The following NEIL3 variants were observed in gnomAD, a reference collection of about 807,000 sequenced individuals.
NEIL3 encodes endonuclease 8-like 3.
NEIL3 carries 48 observed loss-of-function variants against 57.5 expected under a neutral mutation model. The ratio of observed to expected loss-of-function variants is 0.83; its 90% CI spans 0.66 to 1.06. The LOEUF (loss-of-function observed/expected upper bound fraction) is 1.06, where lower values mean the gene tolerates loss of function less well. Among genes scored for constraint, NEIL3 ranks in the 50% least tolerant of loss-of-function variants. The probability of loss-of-function intolerance (pLI) is 0.00; values close to 1 mark genes in which losing one functional copy is unlikely to be tolerated. For synonymous variants in NEIL3, 261 were observed against 253.2 expected, an observed-to-expected ratio of 1.03 and a Z score of -0.29; for missense variants, 717 against 739.1, an observed-to-expected ratio of 0.97 and a Z score of 0.35.
chr4:177,364,270 A>T (rs534597778), downstream of NEIL3, among the ~76,000 whole-genome samples: 8 of 152,306 alleles, frequency 5.3e-5, no homozygotes, highest in South Asian at 1.7e-3. Context: ...AGATAACTCT[A>T]GATTCCGGAC....
At position 177,341,463 on chromosome 4, in the gene NEIL3, T is replaced by G; in HGVS notation, c.703-13T>G. The G allele has an allele frequency of 1.9e-6, 3 of 1,542,244 alleles. No homozygotes were observed. The highest frequency in any genetic ancestry group is 1.2e-5 in the South Asian group (1 of 81,920). ...TGTGGATAACAGAATTTTTTGGTTT[T>G]TTTTTTTTTTAGTGCCGTAAAGCAG... On this transcript the variant is annotated splice_polypyrimidine_tract_variant and intron_variant, in intron 5 of 9. Coordinates refer to ENST00000264596, the MANE Select transcript of NEIL3 (RefSeq NM_018248.3).
At chr4:177,321,539 C>T (rs1165238129) in intron 1 of NEIL3, among the ~76,000 whole-genome samples, 9 of 152,060 alleles carry the variant, frequency 5.9e-5, no homozygotes, top group South Asian at 4.1e-4. Flanking sequence ...CTAAACCAAA[C>T]GCCCTTTCTT....
downstream of NEIL3, among the ~76,000 whole-genome samples, chr4:177,366,160 T>A (rs1165323919): frequency 6.6e-6 from 1 of 152,232 alleles, no homozygotes; most frequent in African/African-American, 2.4e-5. Context: ...ATTTTTTTCC[T>A]TTTAGTTTCT....
At chr4:177,357,597 T>G (rs1465297259) in intron 8 of NEIL3, among the ~76,000 whole-genome samples, 1 of 152,238 alleles carries the variant, frequency 6.6e-6, no homozygotes, top group African/African-American at 2.4e-5. Flanking sequence ...TTCAGTTTTA[T>G]TTATTAATAA....
intron 2 of NEIL3, among the ~76,000 whole-genome samples, chr4:177,327,372 C>T (rs942343771): frequency 6.6e-6 from 1 of 152,064 alleles, no homozygotes; most frequent in African/African-American, 2.4e-5. Flanking sequence ...ATCATATCAT[C>T]TGTGAATTAA....
chr4:177,311,904 T>A (rs940438264), intron 1 of NEIL3, among the ~76,000 whole-genome samples: 3 of 152,118 alleles, frequency 2.0e-5, no homozygotes, highest in African/African-American at 4.8e-5. Context: ...ATGACATGAA[T>A]ATACTTAGGG....
intron 8 of NEIL3, among the ~76,000 whole-genome samples, chr4:177,360,147 G>C (rs149917867): frequency 8.8e-4 from 134 of 152,276 alleles, no homozygotes; most frequent in South Asian, 3.1e-3. Flanking sequence ...ACCTGGACTT[G>C]AGAATATTTT....
the NEIL3 span, among the ~76,000 whole-genome samples, chr4:177,370,331 A>G: frequency 3.9e-5 from 6 of 152,194 alleles, no homozygotes; most frequent in African/African-American, 1.4e-4. Flanking sequence ...TCTTTGCAGC[A>G]GAGATTGTGG....
In NEIL3 at chr4:177,320,462, CTGTCTT is replaced by C. The variant is rs1351251472; in HGVS notation, c.157-1995_157-1990del. ...ATTTGTGCAGAACAGGAAGTGACTGCTGTCTTTTTTTTTTTTTTTTTTTTTTTTTTT... is the reference window on the plus strand; with the variant it reads ...ATTTGTGCAGAACAGGAAGTGACTGCTTTTTTTTTTTTTTTTTTTTTTTTT... On this transcript the variant is annotated intron_variant, in intron 1 of 9. Transcript: ENST00000264596. 1.6e-3 allele frequency among the ~76,000 whole-genome samples: 174 copies of C among 110,698 alleles called. 4 individuals carry two copies. Among genetic ancestry groups the C allele is most frequent in the Middle Eastern group, 4.8e-3 (1 of 210 alleles). The allele number at this position is 110,698 out of a possible 152,430, so 72.6% of individuals were successfully genotyped here. A position where few individuals can be genotyped will look rare whatever the true frequency, so the allele number is the denominator to read the frequency against.
At chr4:177,341,806 C>A (rs892990273) in intron 6 of NEIL3, among the ~76,000 whole-genome samples, 164 bp downstream of exon 6, 2 of 152,160 alleles carry the variant, frequency 1.3e-5, no homozygotes, top group African/African-American at 2.4e-5. Flanking sequence ...CACCAAAGAA[C>A]CTGAGGGAGC....
chr4:177,351,380 C>T lies in NEIL3; in HGVS notation c.870C>T (p.Cys290=), dbSNP rs763158365. The T allele has an allele frequency of 6.3e-7, 1 of 1,598,546 alleles. No individual in the cohort carries two copies. The highest frequency in any genetic ancestry group is 8.5e-7 in the Non-Finnish European group (1 of 1,172,230). ...QKENPQHVDI[C]KLPTRNTIIS... is the part of the protein sequence containing the mutation. ...ATTAATTTTAAAAATTATCTTATAGCAAGCTACCGACTAGAAATACTATAA... is the reference window on the plus strand; with the variant it reads ...ATTAATTTTAAAAATTATCTTATAGTAAGCTACCGACTAGAAATACTATAA... The change falls in exon 7 of 10, where the codon TGC becomes TGT. Residue 290 remains cysteine, a splice_region_variant and synonymous_variant. Coordinates refer to ENST00000264596, the MANE Select transcript of NEIL3 (RefSeq NM_018248.3).
At chr4:177,369,552 A>G in the NEIL3 span, among the ~76,000 whole-genome samples, 2 of 152,314 alleles carry the variant, frequency 1.3e-5, no homozygotes, top group East Asian at 3.9e-4. Context: ...ACTGAGATAC[A>G]TGCTAAACTG....
At chr4:177,357,998 C>G (rs1459176985) in intron 8 of NEIL3, among the ~76,000 whole-genome samples, 2 of 152,142 alleles carry the variant, frequency 1.3e-5, no homozygotes, top group East Asian at 3.8e-4. Context: ...TTAATCAGAA[C>G]ATTTAATTAT....
intron 6 of NEIL3, among the ~76,000 whole-genome samples, chr4:177,344,730 T>G (rs977973647): frequency 6.6e-6 from 1 of 151,922 alleles, no homozygotes; most frequent in Admixed American, 6.6e-5. Flanking sequence ...CCCAGCTAAT[T>G]TTTGTATTTT....
chr4:177,320,462 C>CTTTTTTTTTTTTT (rs1560908362), intron 1 of NEIL3, among the ~76,000 whole-genome samples: 1 of 110,694 alleles, frequency 9.0e-6, no homozygotes. Context: ...GAAGTGACTG[C>CTTTTTTTTTTTTT]TGTCTTTTTT....
chr4:177,330,794 A>T (rs1289875689), intron 2 of NEIL3, among the ~76,000 whole-genome samples: 3 of 152,232 alleles, frequency 2.0e-5, no homozygotes, highest in Admixed American at 1.3e-4. Flanking sequence ...GCAATTATTG[A>T]TAAGCTATGT....
At chr4:177,348,900 C>T (rs1433955067) in intron 6 of NEIL3, among the ~76,000 whole-genome samples, 1 of 108,614 alleles carries the variant, frequency 9.2e-6, no homozygotes, top group Non-Finnish European at 1.7e-5. Context: ...CGGAGTCTCG[C>T]TCTGTCACCC....
intron 9 of NEIL3, among the ~76,000 whole-genome samples, chr4:177,361,290 G>A (rs1735603871): frequency 6.6e-6 from 1 of 152,162 alleles, no homozygotes; most frequent in African/African-American, 2.4e-5. Flanking sequence ...GTATTCCTCG[G>A]TGTGAGCATC....
chr4:177,360,204 CT>C (rs550406507), intron 8 of NEIL3, among the ~76,000 whole-genome samples: 78 of 152,250 alleles, frequency 5.1e-4, no homozygotes, highest in Non-Finnish European at 2.8e-4. Flanking sequence ...AAGAAAAGAA[CT>C]GAATATCACA....
Sources: allele counts gnomAD v4.1 joint callset (sites outside exome capture counted in the v4.1 genomes callset), GRCh38; gene constraint gnomAD v4.1.1; transcripts MANE v1.5; gene names NCBI Gene and HGNC (gene_info 2026-07-23, HGNC 2026-07-21).